MARCHF1: variants seen among roughly 807,000 people sequenced by gnomAD.
MARCHF1 encodes the protein membrane associated ring-CH-type finger 1, also known as E3 ubiquitin-protein ligase MARCHF1.
In MARCHF1, 40 loss-of-function variants were observed where a neutral mutation model predicts 54.2. The ratio of observed to expected loss-of-function variants is 0.74; its 90% CI spans 0.57 to 0.96. MARCHF1 has a LOEUF of 0.96. Ranked by LOEUF, MARCHF1 falls within the 40% of genes least tolerant of loss-of-function variation. The pLI is 0.00. For synonymous variants in MARCHF1, 236 were observed against 236.3 expected, an observed-to-expected ratio of 1.00 and a Z score of 0.01; for missense variants, 586 against 656.5, an observed-to-expected ratio of 0.89 and a Z score of 1.17.
At chr4:163,730,778 T>C (rs1745801824) in intron 4 of MARCHF1, among the ~76,000 whole-genome samples, 1 of 152,172 alleles carries the variant, frequency 6.6e-6, no homozygotes, top group Non-Finnish European at 1.5e-5. Context: ...TTATTTTTTC[T>C]TCCACATCCA....
rs575975568 is a variant in MARCHF1 at position 163,959,346 on chromosome 4, C to A, written c.-39+29155G>T. 3.3e-3 allele frequency among the ~76,000 whole-genome samples: 493 copies of A among 149,716 alleles called. 4 individuals are homozygous for A. Among genetic ancestry groups the A allele is most frequent in the African/African-American group, 0.011 (459 of 40,716 alleles). ...CAACAACAACAAAAAAAAAAAACAACAAAAAAACAAAAAACACAAAACAAA... is the reference window on the plus strand; with the variant it reads ...CAACAACAACAAAAAAAAAAAACAAAAAAAAAACAAAAAACACAAAACAAA... On this transcript the variant is annotated intron_variant, in intron 3 of 9. Transcript: ENST00000514618.
At chr4:163,781,119 G>A (rs990440452) in intron 4 of MARCHF1, among the ~76,000 whole-genome samples, 2 of 152,168 alleles carry the variant, frequency 1.3e-5, no homozygotes, top group African/African-American at 2.4e-5. Flanking sequence ...CAAGGGGCGG[G>A]GGGGGTGGAT....
intron 4 of MARCHF1, among the ~76,000 whole-genome samples, chr4:163,821,943 T>C (rs1436106635): frequency 1.3e-5 from 2 of 151,978 alleles, no homozygotes; most frequent in Non-Finnish European, 2.9e-5. Context: ...CTCTGTAACG[T>C]CACCTATACC....
chr4:164,187,351 T>C (rs1730996737), intron 1 of MARCHF1, among the ~76,000 whole-genome samples: 1 of 152,002 alleles, frequency 6.6e-6, no homozygotes, highest in African/African-American at 2.4e-5. Context: ...ACCAAGAAAA[T>C]ATGAATAATG....
intron 1 of MARCHF1, among the ~76,000 whole-genome samples, chr4:164,361,044 G>T (rs1026529499): frequency 6.6e-6 from 1 of 151,620 alleles, no homozygotes; most frequent in Non-Finnish European, 1.5e-5. Flanking sequence ...ATGGTCTAGG[G>T]TCATTATGGT....
Position 163,857,015 on chromosome 4 carries a change from AAAATAAAT to A in MARCHF1, c.-38-2854_-38-2847del, listed in dbSNP as rs34410156. 6.4e-3 allele frequency among the ~76,000 whole-genome samples: 845 copies of A among 131,500 alleles called. 8 individuals carry two copies. Among genetic ancestry groups the A allele is most frequent in the African/African-American group, 0.021 (747 of 34,780 alleles). 86.3% of individuals were successfully genotyped at this position (131,500 alleles called of 152,430 possible). On this transcript the variant is annotated intron_variant, in intron 3 of 9. Transcript: ENST00000514618. ...ACAATAGAACAGGACTTTGTCTCGA[AAAATAAAT>A]AAATAAATAAATAAATAAATAAATA...
chr4:164,234,976 G>C (rs1045190568), intron 1 of MARCHF1: 4 of 152,018 alleles, frequency 2.6e-5, no homozygotes, highest in African/African-American at 9.7e-5. Context: ...GCTTCAATCA[G>C]GCTAAGGTAT....
intron 1 of MARCHF1, among the ~76,000 whole-genome samples, chr4:164,231,127 A>G (rs577268412): frequency 6.6e-6 from 1 of 152,274 alleles, no homozygotes; most frequent in East Asian, 1.9e-4. Flanking sequence ...AGTTCATCCA[A>G]TTCTGTCCAA....
At chr4:164,222,273 C>G in intron 1 of MARCHF1, among the ~76,000 whole-genome samples, 1 of 147,964 alleles carries the variant, frequency 6.8e-6, no homozygotes, top group South Asian at 2.1e-4. Context: ...CAACATGTGT[C>G]TTTTTTATCC....
chr4:163,883,464 G>C (rs1259497252), intron 3 of MARCHF1, among the ~76,000 whole-genome samples: 1 of 151,394 alleles, frequency 6.6e-6, no homozygotes, highest in Admixed American at 6.6e-5. Context: ...TCCAGTAGGA[G>C]ACCCATCTCT....
chr4:163,756,445 G>A (rs1034815489), intron 4 of MARCHF1, among the ~76,000 whole-genome samples: 2 of 151,292 alleles, frequency 1.3e-5, no homozygotes, highest in Non-Finnish European at 2.9e-5. Context: ...TGGCCAACAC[G>A]GTGAAACCCT....
At chr4:163,713,688 A>G (rs776342556) in intron 4 of MARCHF1, among the ~76,000 whole-genome samples, 13 of 152,322 alleles carry the variant, frequency 8.5e-5, no homozygotes, top group Admixed American at 7.2e-4. Context: ...TTTCAGAAAT[A>G]TGCTATAAAA....
rs868616355 is a variant in MARCHF1, at chr4:164,291,922, A to G, written c.-323+91948T>C. Among the ~76,000 whole-genome samples the G allele has an allele frequency of 5.9e-5, 9 of 152,076 alleles. No individual in the cohort carries two copies. In the East Asian group the frequency reaches 9.6e-4, roughly 16 times the overall value. On this transcript the variant is annotated intron_variant, in intron 1 of 9. Coordinates refer to ENST00000514618, the MANE Select transcript of MARCHF1 (RefSeq NM_001394959.1). ...TCTCAGGAATTCTAATGTTATTTAT[A>G]GTTACTATAATATAACTCATTCATT...
intron 3 of MARCHF1, among the ~76,000 whole-genome samples, chr4:163,925,230 G>T: frequency 6.6e-6 from 1 of 151,632 alleles, no homozygotes; most frequent in African/African-American, 2.4e-5. Flanking sequence ...AGATTAATAA[G>T]AAAAAAACAA....
intron 1 of MARCHF1, among the ~76,000 whole-genome samples, chr4:164,370,584 T>C (rs1298165346): frequency 2.6e-5 from 4 of 152,146 alleles, no homozygotes; most frequent in Admixed American, 1.3e-4. Flanking sequence ...CAAGGAATAT[T>C]TACCACATAG....
chr4:164,215,816 T>C (rs1409871788), intron 1 of MARCHF1, among the ~76,000 whole-genome samples: 2 of 152,128 alleles, frequency 1.3e-5, no homozygotes, highest in Non-Finnish European at 2.9e-5. Flanking sequence ...CAGTGATGAG[T>C]TGTGAAGGTG....
chr4:163,689,006 T>A (rs1744358191), intron 5 of MARCHF1, among the ~76,000 whole-genome samples: 2 of 152,194 alleles, frequency 1.3e-5, no homozygotes, highest in Admixed American at 1.3e-4. Flanking sequence ...TGGCAAGGAA[T>A]GAGTTCCATC....
chr4:164,085,487 C>T (rs1313957374), intron 2 of MARCHF1, among the ~76,000 whole-genome samples: 1 of 151,734 alleles, frequency 6.6e-6, no homozygotes, highest in South Asian at 2.1e-4. Context: ...GTTCTGAATA[C>T]TCAGATAGAA....
At chr4:164,190,297 C>T in intron 1 of MARCHF1, 4 of 755,886 alleles carry the variant, frequency 5.3e-6, no homozygotes. Flanking sequence ...AGCCCTCTCC[C>T]AGCCACGAAG....
Sources: allele counts gnomAD v4.1 joint callset (sites outside exome capture counted in the v4.1 genomes callset), GRCh38; gene constraint gnomAD v4.1.1; transcripts MANE v1.5; gene names NCBI Gene and HGNC (gene_info 2026-07-23, HGNC 2026-07-21).